Variants in RSPO2 observed in about 807,000 individuals in gnomAD.
RSPO2 encodes R-spondin 2.
RSPO2 carries 14 observed loss-of-function variants against 30.9 expected under a neutral mutation model. That is an observed-to-expected ratio of 0.45 (90% CI 0.30 to 0.71). RSPO2 has a LOEUF of 0.71. Ranked by LOEUF, RSPO2 falls within the 30% of genes least tolerant of loss-of-function variation. RSPO2 has a pLI of 0.08. For synonymous variants in RSPO2, 107 were observed against 96.4 expected (o/e 1.11, Z -0.64); for missense variants, 264 against 301.9 (o/e 0.87, Z 0.93).
chr8:107,990,416 C>T (rs1814808463), intron 2 of RSPO2, among the ~76,000 whole-genome samples: 1 of 152,222 alleles, frequency 6.6e-6, no homozygotes, highest in East Asian at 1.9e-4. Flanking sequence ...CAACAGCAGT[C>T]AAGCCAAGAG....
At chr8:108,041,772 T>C (rs1463600479) in intron 2 of RSPO2, among the ~76,000 whole-genome samples, 6 of 151,812 alleles carry the variant, frequency 4.0e-5, no homozygotes, top group African/African-American at 1.5e-4. Flanking sequence ...AAACCAATGA[T>C]GGAAAAAGAG....
chr8:107,967,680 A>C (rs1297136757), intron 3 of RSPO2, among the ~76,000 whole-genome samples: 1 of 152,210 alleles, frequency 6.6e-6, no homozygotes, highest in Non-Finnish European at 1.5e-5. Context: ...AATGAGTTTA[A>C]ATCAAGATTG....
intron 5 of RSPO2, among the ~76,000 whole-genome samples, chr8:107,905,400 A>G (rs1461515691): frequency 6.6e-6 from 1 of 152,086 alleles, no homozygotes; most frequent in East Asian, 1.9e-4. Flanking sequence ...ACATACCTAC[A>G]TACATATATA....
At chr8:107,973,007 A>G (rs1431810145) in intron 3 of RSPO2, among the ~76,000 whole-genome samples, 2 of 152,238 alleles carry the variant, frequency 1.3e-5, no homozygotes, top group Admixed American at 6.5e-5. Context: ...GCGGTGGCTC[A>G]CGCCTGTAAT....
At chr8:107,964,782 A>C (rs1029706466) in intron 3 of RSPO2, among the ~76,000 whole-genome samples, 1 of 152,176 alleles carries the variant, frequency 6.6e-6, no homozygotes. Context: ...AAACTACTTA[A>C]GCATTTTACC....
intron 2 of RSPO2, among the ~76,000 whole-genome samples, chr8:108,032,353 C>T (rs7845558): frequency 0.029 from 4,450 of 152,174 alleles, 209 homozygotes; most frequent in African/African-American, 0.1. Flanking sequence ...ATGATGAACT[C>T]CTTGAGAGCA....
intron 5 of RSPO2, 82 bp from the exon 6 acceptor site, chr8:107,901,272 G>T: frequency 1.4e-6 from 2 of 1,461,672 alleles, no homozygotes; most frequent in African/African-American, 1.4e-5. Flanking sequence ...TGGGAGTTTT[G>T]CACAAAGCCC....
chr8:107,905,361 CTATATA>C (rs1320822722), intron 5 of RSPO2, among the ~76,000 whole-genome samples: 1 of 151,906 alleles, frequency 6.6e-6, no homozygotes, highest in African/African-American at 2.4e-5. Flanking sequence ...AAGCTTCTCT[CTATATA>C]TATATGTATA....
At chr8:107,919,674 T>A (rs1013798794) in intron 5 of RSPO2, among the ~76,000 whole-genome samples, 6 of 152,114 alleles carry the variant, frequency 3.9e-5, no homozygotes, top group Non-Finnish European at 7.4e-5. Flanking sequence ...CAGCACAAGA[T>A]GACAGCTTCA....
chr8:108,041,203 C>CAAAAAAAAAAAAAAAAA (rs55937336), intron 2 of RSPO2, among the ~76,000 whole-genome samples: 4 of 100,352 alleles, frequency 4.0e-5, no homozygotes, highest in Non-Finnish European at 7.8e-5. Flanking sequence ...CAAAAAGTGG[C>CAAAAAAAAAAAAAAAAA]AAAAAAAAAA....
intron 2 of RSPO2, among the ~76,000 whole-genome samples, chr8:108,082,344 G>C (rs550186976): frequency 3.9e-5 from 6 of 152,162 alleles, no homozygotes; most frequent in Non-Finnish European, 8.8e-5. Flanking sequence ...GTCTCGCTCC[G>C]GCTCCCCGCG....
chr8:108,002,235 T>C (rs1815274839), intron 2 of RSPO2, among the ~76,000 whole-genome samples: 1 of 152,158 alleles, frequency 6.6e-6, no homozygotes, highest in Non-Finnish European at 1.5e-5. Flanking sequence ...AATATATACA[T>C]TTATGAAGAT....
chr8:108,037,844 T>C (rs1008220632), intron 2 of RSPO2, among the ~76,000 whole-genome samples: 1 of 152,188 alleles, frequency 6.6e-6, no homozygotes, highest in Non-Finnish European at 1.5e-5. Flanking sequence ...CATGGTTTAC[T>C]GAAGGTTTTA....
At chr8:108,045,365 A>G (rs1811879354) in intron 2 of RSPO2, among the ~76,000 whole-genome samples, 1 of 152,118 alleles carries the variant, frequency 6.6e-6, no homozygotes, top group African/African-American at 2.4e-5. Flanking sequence ...AAAACCACAA[A>G]GAGATACCAT....
chr8:107,927,813 G>A (rs946821809), intron 5 of RSPO2, among the ~76,000 whole-genome samples: 5 of 149,716 alleles, frequency 3.3e-5, no homozygotes, highest in African/African-American at 1.2e-4. Flanking sequence ...ATTTTATTGA[G>A]GATTTTTGTA....
At chr8:108,031,298 G>A (rs1055861956) in intron 2 of RSPO2, among the ~76,000 whole-genome samples, 1 of 152,212 alleles carries the variant, frequency 6.6e-6, no homozygotes, top group Non-Finnish European at 1.5e-5. Context: ...ACACGGTGCA[G>A]AAAACGTGAC....
chr8:108,056,262 C>T (rs1165540618), intron 2 of RSPO2, among the ~76,000 whole-genome samples: 2 of 152,048 alleles, frequency 1.3e-5, no homozygotes, highest in African/African-American at 4.8e-5. Flanking sequence ...TCCACAGATG[C>T]TGTAAGCTAA....
intron 2 of RSPO2, among the ~76,000 whole-genome samples, chr8:108,055,723 C>T (rs1368342522): frequency 6.6e-6 from 1 of 152,072 alleles, no homozygotes; most frequent in Non-Finnish European, 1.5e-5. Flanking sequence ...TATTTAAATA[C>T]TAAATTTCTT....
At chr8:107,983,985 C>A (rs2348329) in intron 3 of RSPO2, 4 of 762,976 alleles carry the variant, frequency 5.2e-6, no homozygotes, top group South Asian at 4.0e-5. Context: ...AGAAGGCCAC[C>A]AAAAGGGGAA....
Sources: allele counts gnomAD v4.1 joint callset (sites outside exome capture counted in the v4.1 genomes callset), GRCh38; gene constraint gnomAD v4.1.1; transcripts MANE v1.5; gene names NCBI Gene and HGNC (gene_info 2026-07-23, HGNC 2026-07-21).